GPC5: variants seen among roughly 807,000 people sequenced by gnomAD.
GPC5 encodes the protein glypican-5.
GPC5 carries 47 observed loss-of-function variants against 53.9 expected under a neutral mutation model. That is an observed-to-expected ratio of 0.87 (90% CI 0.69 to 1.11). The LOEUF is 1.11. GPC5 is among the 50% of genes most tolerant of loss of function. GPC5 has a pLI of 0.00. For missense variants in GPC5, 748 were observed against 713.1 expected (o/e 1.05, Z -0.56); for synonymous variants, 286 against 263.3 (o/e 1.09, Z -0.84).
At chr13:92,846,601 G>T (rs769275614) in intron 7 of GPC5, among the ~76,000 whole-genome samples, 1 of 152,140 alleles carries the variant, frequency 6.6e-6, no homozygotes, top group Non-Finnish European at 1.5e-5. Context: ...GATTGTCGCA[G>T]CTTTAGTATT....
At chr13:92,513,472 T>TG in intron 7 of GPC5, among the ~76,000 whole-genome samples, 1 of 62,972 alleles carries the variant, frequency 1.6e-5, no homozygotes, top group Admixed American at 1.7e-4. Context: ...CTTTTTTCTG[T>TG]TTTTTTTTTT....
intron 7 of GPC5, among the ~76,000 whole-genome samples, chr13:92,689,554 T>A: frequency 1.3e-5 from 1 of 75,664 alleles, no homozygotes; most frequent in African/African-American, 4.4e-5. Flanking sequence ...TTGCAGAATT[T>A]AGTCCATTTA....
chr13:92,468,728 G>T (rs148825449), intron 7 of GPC5, among the ~76,000 whole-genome samples: 10 of 152,244 alleles, frequency 6.6e-5, no homozygotes, highest in Non-Finnish European at 1.5e-4. Context: ...ACTGGGGAAA[G>T]AACACAGCAG....
intron 5 of GPC5, among the ~76,000 whole-genome samples, chr13:91,851,094 G>C (rs1339734635): frequency 1.3e-5 from 2 of 152,100 alleles, no homozygotes; most frequent in Non-Finnish European, 2.9e-5. Flanking sequence ...ATCGAGGCTT[G>C]AGCAATCAGA....
At chr13:92,171,385 C>T (rs1454752630) in intron 7 of GPC5, among the ~76,000 whole-genome samples, 4 of 152,124 alleles carry the variant, frequency 2.6e-5, no homozygotes, top group African/African-American at 9.6e-5. Context: ...ACACACACAC[C>T]CCTATATTCA....
chr13:91,547,436 G>A (rs1239022317), intron 2 of GPC5, among the ~76,000 whole-genome samples: 2 of 151,994 alleles, frequency 1.3e-5, no homozygotes, highest in African/African-American at 4.8e-5. Context: ...AAAGACACAT[G>A]ATATTTATAT....
chr13:92,168,073 T>C (rs1445886772), intron 7 of GPC5, among the ~76,000 whole-genome samples: 1 of 152,102 alleles, frequency 6.6e-6, no homozygotes, highest in East Asian at 1.9e-4. Context: ...GTTGACTATC[T>C]TTTCTTCTCT....
At chr13:91,896,117 A>ATT (rs1185370619) in intron 5 of GPC5, among the ~76,000 whole-genome samples, 31 of 128,004 alleles carry the variant, frequency 2.4e-4, no homozygotes, top group African/African-American at 5.3e-4. Context: ...ATTTTTTCTA[A>ATT]TTTTTTTTTT....
chr13:92,145,939 C>T (rs1008271608), intron 7 of GPC5, among the ~76,000 whole-genome samples: 3 of 152,022 alleles, frequency 2.0e-5, no homozygotes, highest in Admixed American at 1.3e-4. Flanking sequence ...ATTAAAAGCA[C>T]GATAAATGCT....
At position 92,253,392 on chromosome 13, in the gene GPC5, A is replaced by C. The variant is rs2042705398; in HGVS notation, c.1561+108403A>C. Among the ~76,000 whole-genome samples, 7 of 150,816 alleles carry C rather than the reference A, an allele frequency of 4.6e-5. No individual in the cohort carries two copies. The Admixed American group carries it at 4.7e-4, about 10-fold the overall frequency. Reference sequence around the variant, plus strand: ...ATGGCTGATGAGAGACCTGTCTGGGACTTTATTTAAGTGGTTTATAGGTAG... The same window carrying C: ...ATGGCTGATGAGAGACCTGTCTGGGCCTTTATTTAAGTGGTTTATAGGTAG... On this transcript the variant is annotated intron_variant, in intron 7 of 7. Transcript: ENST00000377067.
At chr13:92,722,650 G>C (rs570727777) in intron 7 of GPC5, among the ~76,000 whole-genome samples, 42 of 151,656 alleles carry the variant, frequency 2.8e-4, no homozygotes, top group Non-Finnish European at 3.7e-4. Flanking sequence ...TTGAAAGAAA[G>C]GGTAAAAAGC....
chr13:91,444,404 G>A (rs78468695), intron 1 of GPC5, among the ~76,000 whole-genome samples: 1 of 151,948 alleles, frequency 6.6e-6, no homozygotes, highest in Admixed American at 6.6e-5. Context: ...ATATTATTCT[G>A]TTTCTTATTC....
chr13:91,491,316 C>T (rs1309936394), intron 2 of GPC5, among the ~76,000 whole-genome samples: 2 of 152,170 alleles, frequency 1.3e-5, no homozygotes, highest in East Asian at 3.9e-4. Context: ...ATATGACTCT[C>T]TTTAAAATGT....
At chr13:92,029,311 A>T (rs905835936) in intron 6 of GPC5, among the ~76,000 whole-genome samples, 2 of 152,192 alleles carry the variant, frequency 1.3e-5, no homozygotes. Context: ...GTTCTATGAA[A>T]TTTTGACAAT....
At chr13:92,132,336 A>C (rs1389585674) in intron 6 of GPC5, among the ~76,000 whole-genome samples, 1 of 152,154 alleles carries the variant, frequency 6.6e-6, no homozygotes, top group African/African-American at 2.4e-5. Flanking sequence ...CAATGTATTC[A>C]TTTGTGGGAG....
At chr13:92,353,217 G>A (rs537919886) in intron 7 of GPC5, among the ~76,000 whole-genome samples, 3 of 141,078 alleles carry the variant, frequency 2.1e-5, no homozygotes, top group South Asian at 4.6e-4. Context: ...CCGAGATTGC[G>A]CCACTGCAGT....
At chr13:91,420,884 T>G (rs1413600783) in intron 1 of GPC5, among the ~76,000 whole-genome samples, 1 of 152,234 alleles carries the variant, frequency 6.6e-6, no homozygotes, top group Non-Finnish European at 1.5e-5. Context: ...TGTGGAACTG[T>G]GAGTCAATTA....
chr13:91,480,270 G>A (rs556217395), intron 2 of GPC5, among the ~76,000 whole-genome samples: 12 of 152,270 alleles, frequency 7.9e-5, no homozygotes, highest in South Asian at 2.1e-4. Flanking sequence ...TATGGACAGG[G>A]CATTTCTTCT....
Position 92,216,337 on chromosome 13 carries a change from A to T in GPC5, c.1561+71348A>T, listed in dbSNP as rs1039380987. ...CACAATGAGTATTGTCAGGGAAGGC[A>T]GACTTTATTGCAGGTAACAACAACA... On this transcript the variant is annotated intron_variant, in intron 7 of 7. Coordinates refer to ENST00000377067, the MANE Select transcript of GPC5 (RefSeq NM_004466.6). Among the ~76,000 whole-genome samples, 8 of 152,328 alleles carry T rather than the reference A, an allele frequency of 5.3e-5. No individual in the cohort carries two copies. In the East Asian group the frequency reaches 1.5e-3, roughly 29 times the overall value.
Sources: allele counts gnomAD v4.1 joint callset (sites outside exome capture counted in the v4.1 genomes callset), GRCh38; gene constraint gnomAD v4.1.1; transcripts MANE v1.5; gene names NCBI Gene and HGNC (gene_info 2026-07-23, HGNC 2026-07-21).